Variants in RAPGEF1 observed in about 807,000 individuals in gnomAD.
RAPGEF1 encodes CRK SH3-binding GNRP.
Under a neutral mutation model 143.3 loss-of-function variants are expected in RAPGEF1, and 33 were observed. That is an observed-to-expected ratio of 0.23 (90% CI 0.17 to 0.31). The LOEUF (loss-of-function observed/expected upper bound fraction) is 0.31. Among genes scored for constraint, RAPGEF1 ranks in the 10% least tolerant of loss-of-function variants. The pLI, the probability that RAPGEF1 is intolerant of heterozygous loss-of-function variation, is 1.00. For synonymous variants in RAPGEF1, 629 were observed against 676.5 expected (o/e 0.93, Z 1.09); for missense variants, 1,199 against 1,645.4 (o/e 0.73, Z 4.69).
chr9:131,608,720 C>T (rs563845198), intron 12 of RAPGEF1, among the ~76,000 whole-genome samples: 1 of 152,188 alleles, frequency 6.6e-6, no homozygotes. Context: ...ACAGGGAAAA[C>T]CTTCTGATCA....
At chr9:131,684,458 T>C (rs1460853160) in intron 1 of RAPGEF1, among the ~76,000 whole-genome samples, 1 of 152,216 alleles carries the variant, frequency 6.6e-6, no homozygotes, top group Non-Finnish European at 1.5e-5. Context: ...TAGTATCCCA[T>C]ACAATTCTCA....
intron 11 of RAPGEF1, among the ~76,000 whole-genome samples, chr9:131,619,585 C>G (rs1960134086): frequency 6.6e-6 from 1 of 152,178 alleles, no homozygotes; most frequent in South Asian, 2.1e-4. Context: ...GCTCCGGCAG[C>G]CTGGGTTTGA....
intron 25 of RAPGEF1, among the ~76,000 whole-genome samples, chr9:131,581,409 C>G (rs1357927074): frequency 6.6e-6 from 1 of 151,320 alleles, no homozygotes; most frequent in African/African-American, 2.4e-5. Context: ...AAGAAACTGG[C>G]TGGGTGTGGT....
chr9:131,586,967 A>AACAC (rs770094684), intron 22 of RAPGEF1, among the ~76,000 whole-genome samples: 1,013 of 28,672 alleles, frequency 0.035, 108 homozygotes, highest in Middle Eastern at 0.083. Context: ...CTCCGTCTCA[A>AACAC]ACACACACAC....
intron 1 of RAPGEF1, among the ~76,000 whole-genome samples, chr9:131,732,022 T>G (rs771689065): frequency 3.3e-5 from 5 of 152,072 alleles, no homozygotes; most frequent in Non-Finnish European, 7.4e-5. Context: ...AGATTTCTAA[T>G]AAATTCAGAT....
Position 131,650,985 on chromosome 9 carries a change from G to A in RAPGEF1, c.62-36C>T, listed in dbSNP as rs894693858. 6.2e-7 allele frequency: 1 copy of A among 1,602,840 alleles called. No individual in the cohort carries two copies. On this transcript the variant is annotated intron_variant, in intron 1 of 26. Coordinates refer to ENST00000683357, the MANE Select transcript of RAPGEF1 (RefSeq NM_001377935.1). This position sits in a 1 kb window ranked among gnomAD's most constrained non-coding sequence, Gnocchi z 4.7. Reference sequence around the variant, plus strand: ...AGAGGGTACTGACTGTTAGATGGGAGTGGGAAGAAGCGATGGTTCATTGAC... The same window carrying A: ...AGAGGGTACTGACTGTTAGATGGGAATGGGAAGAAGCGATGGTTCATTGAC...
At chr9:131,673,869 G>A (rs368912841) in intron 1 of RAPGEF1, among the ~76,000 whole-genome samples, 4 of 152,280 alleles carry the variant, frequency 2.6e-5, no homozygotes, top group Admixed American at 1.3e-4. Context: ...CCTAAAAGAC[G>A]GTTCCGTTCT....
At chr9:131,728,648 TAGAGAG>T (rs920476290) in intron 1 of RAPGEF1, among the ~76,000 whole-genome samples, 104 of 152,312 alleles carry the variant, frequency 6.8e-4, no homozygotes, top group African/African-American at 2.4e-3. Flanking sequence ...TCAGCTTTCT[TAGAGAG>T]AGAAAGAGAA....
intron 12 of RAPGEF1, among the ~76,000 whole-genome samples, chr9:131,615,103 T>G (rs561362960): frequency 6.6e-6 from 1 of 152,174 alleles, no homozygotes; most frequent in Non-Finnish European, 1.5e-5. Context: ...GACGGAGTCT[T>G]GCTCTGTTGC....
intron 7 of RAPGEF1, 73 bp downstream of exon 7, chr9:131,629,029 C>A: frequency 1.3e-6 from 2 of 1,547,760 alleles, no homozygotes; most frequent in South Asian, 1.2e-5. Context: ...GGGGAAAGGG[C>A]CCGAGCCCTG....
Position 131,584,630 on chromosome 9 carries a change from T to A in RAPGEF1, c.3234-34A>T. 1 of 1,608,834 alleles carries A rather than the reference T, an allele frequency of 6.2e-7. No homozygotes were observed. Among genetic ancestry groups the A allele is most frequent in the Non-Finnish European group, 8.5e-7 (1 of 1,175,298 alleles). On this transcript the variant is annotated intron_variant, in intron 22 of 26. Transcript: ENST00000683357. The surrounding 1 kb of genome is among the most constrained non-coding windows in gnomAD (Gnocchi z 6.8). ...ACCAAGGGAAAAAGAAACAGCTGAG[T>A]TGACAAGTCCCTGCAGGTCCCAGGG... is the stretch of plus-strand genomic sequence containing the variant.
chr9:131,648,170 A>G (rs1426168003), intron 3 of RAPGEF1, among the ~76,000 whole-genome samples: 1 of 152,178 alleles, frequency 6.6e-6, no homozygotes, highest in East Asian at 1.9e-4. Flanking sequence ...CGGGCAGATC[A>G]CTTGAGGTCA....
At chr9:131,665,997 A>G (rs911861807) in intron 1 of RAPGEF1, among the ~76,000 whole-genome samples, 1 of 152,250 alleles carries the variant, frequency 6.6e-6, no homozygotes, top group Non-Finnish European at 1.5e-5. Flanking sequence ...ACTTAGCCCA[A>G]TAACTGACAC....
chr9:131,659,897 C>G (rs1295392181), intron 1 of RAPGEF1, among the ~76,000 whole-genome samples: 1 of 152,124 alleles, frequency 6.6e-6, no homozygotes, highest in East Asian at 1.9e-4. Flanking sequence ...CGGCTCACTG[C>G]AAGCTCCACC....
In RAPGEF1 at chr9:131,582,642, C is replaced by A. The variant is rs553644640; in HGVS notation, c.3475G>T (p.Ala1159Ser). 3.9e-6 allele frequency: 6 copies of A among 1,533,838 alleles called. No individual in the cohort carries two copies. The highest frequency in any genetic ancestry group is 5.2e-6 in the Non-Finnish European group (6 of 1,150,468). ...SSSSFRAYRA[A>S]LSEVEPPCIP... ...CACGGCGGTTCCACCTCCGAGAGGG[C>A]GGCCCGGTAGGCTCGGAAGGAGGAC... The change falls in exon 25 of 27, where the codon GCC (alanine) becomes TCC (serine). Residue 1159 changes from alanine to serine, a missense_variant. This residue lies in a region of RAPGEF1 where 209 missense variants were observed against 403.0 expected (regional missense o/e 0.52). Coordinates refer to ENST00000683357, the MANE Select transcript of RAPGEF1 (RefSeq NM_001377935.1).
chr9:131,719,164 G>A (rs1836076043), intron 1 of RAPGEF1, among the ~76,000 whole-genome samples: 2 of 152,168 alleles, frequency 1.3e-5, no homozygotes, highest in Non-Finnish European at 2.9e-5. Context: ...TGGATGCTTA[G>A]TTTGTAAATG....
chr9:131,670,896 C>T (rs963723492), intron 1 of RAPGEF1, among the ~76,000 whole-genome samples: 2 of 152,226 alleles, frequency 1.3e-5, no homozygotes, highest in Non-Finnish European at 2.9e-5. Flanking sequence ...TGCCTTTATG[C>T]CTTAGCAGTC....
chr9:131,580,171 GC>G, intron 26 of RAPGEF1, 91 bp downstream of exon 26: 1 of 1,517,814 alleles, frequency 6.6e-7, no homozygotes, highest in Non-Finnish European at 8.9e-7. Context: ...GTCCTCTGTG[GC>G]TCCCCCTCCC....
Position 131,589,930 on chromosome 9 carries a change from G to C in RAPGEF1, c.2823C>G (p.Ser941Arg). ...GTACCAGCACGAAGAACGTGTTCTT[G>C]CTGACGCGCTTCTTGAATGTGTCGG... ...PFADTFKKRV[S>R]KNTFFVLVRV... Residue 941 changes from serine to arginine, a missense_variant, in exon 19 of 27, where the codon AGC becomes AGG. Physicochemically the swap from Ser to Arg is moderately radical, Grantham distance 110. Coordinates refer to ENST00000683357, the MANE Select transcript of RAPGEF1 (RefSeq NM_001377935.1). 6.2e-7 allele frequency: 1 copy of C among 1,613,882 alleles called. No homozygotes were observed. The highest frequency in any genetic ancestry group is 8.5e-7 in the Non-Finnish European group (1 of 1,179,824).
Sources: gnomAD v4.1 joint callset for allele counts (sites outside exome capture counted in the v4.1 genomes callset) on GRCh38, gnomAD v4.1.1 for gene constraint, gnomAD v4.1.1 regional missense constraint, Gnocchi (gnomAD v3.1) non-coding constraint, MANE v1.5 for transcripts, NCBI Gene and HGNC (gene_info 2026-07-23, HGNC 2026-07-21) for gene names.